TUSC3: variants seen among roughly 807,000 people sequenced by gnomAD.
The protein encoded by TUSC3 is tumor suppressor candidate 3, also known as dolichyl-diphosphooligosaccharide--protein glycosyltransferase subunit TUSC3.
Under a neutral mutation model 44.8 loss-of-function variants are expected in TUSC3, and 45 were observed. That is an observed-to-expected ratio of 1.00 (90% CI 0.79 to 1.29). The LOEUF is 1.29. Among genes scored for constraint, TUSC3 ranks in the 50% most tolerant of loss-of-function variants. The pLI is 0.00. For missense variants in TUSC3, 519 were observed against 437.9 expected (o/e 1.19, Z -1.65); for synonymous variants, 212 against 152.9 (o/e 1.39, Z -2.85).
At chr8:15,750,612 A>G (rs1233472870) in intron 9 of TUSC3, among the ~76,000 whole-genome samples, 1 of 151,912 alleles carries the variant, frequency 6.6e-6, no homozygotes, top group Non-Finnish European at 1.5e-5. Flanking sequence ...TTTTTAACGG[A>G]GGCTGGACAT....
chr8:15,468,283 T>C (rs1287864376), intron 1 of TUSC3, among the ~76,000 whole-genome samples: 1 of 152,182 alleles, frequency 6.6e-6, no homozygotes, highest in African/African-American at 2.4e-5. Flanking sequence ...AAAATTGCGT[T>C]TTCTAAGAAA....
intron 7 of TUSC3, among the ~76,000 whole-genome samples, chr8:15,732,901 G>T (rs1016615585): frequency 6.6e-6 from 1 of 151,970 alleles, no homozygotes; most frequent in African/African-American, 2.4e-5. Context: ...GGATACATAC[G>T]TGAAATTGGG....
chr8:15,432,364 C>G (rs746928946), intron 1 of TUSC3, among the ~76,000 whole-genome samples: 9 of 152,124 alleles, frequency 5.9e-5, no homozygotes, highest in East Asian at 1.9e-4. Context: ...TTGCTACTTT[C>G]TTAAAATGTC....
chr8:15,678,765 T>G (rs1372577863), intron 6 of TUSC3, among the ~76,000 whole-genome samples: 1 of 152,160 alleles, frequency 6.6e-6, no homozygotes, highest in East Asian at 1.9e-4. Context: ...TTTTTCAGCT[T>G]TTGGCCTCCT....
chr8:15,648,725 CAAAAAAAAAAAAAAAAAA>C (rs58526383), intron 2 of TUSC3, among the ~76,000 whole-genome samples: 1 of 26,152 alleles, frequency 3.8e-5, no homozygotes, highest in African/African-American at 1.3e-4. Context: ...GACTCTGTGT[CAAAAAAAAAAAAAAAAAA>C]AAAAAAAAAA....
intron 1 of TUSC3, among the ~76,000 whole-genome samples, chr8:15,449,889 T>C (rs1800171143): frequency 6.6e-6 from 1 of 152,186 alleles, no homozygotes; most frequent in Non-Finnish European, 1.5e-5. Flanking sequence ...CATAAATATC[T>C]ACCATTGTGT....
At position 15,449,903 on chromosome 8, in the gene TUSC3, G is replaced by A. The variant is rs565422700; in HGVS notation, n.91+32598G>A. On this transcript the variant is annotated intron_variant and non_coding_transcript_variant, in intron 1 of 5. Coordinates refer to the TUSC3 transcript ENST00000503191. ...ACATAAATATCTACCATTGTGTTAC[G>A]ATTGCCTGTGGTATTCAGTGTAGTC... Among the ~76,000 whole-genome samples the A allele has an allele frequency of 1.3e-4, 19 of 151,758 alleles. No individual in the cohort carries two copies. The East Asian group carries it at 1.7e-3, about 14-fold the overall frequency.
chr8:15,743,531 A>G lies in TUSC3; in HGVS notation c.863-7A>G, dbSNP rs771086697. Reference sequence around the variant, plus strand: ...TATGTCTACGGCTTCCTTGACAACTACTGCAGATGCCGCTATCACCATGGG... The same window carrying G: ...TATGTCTACGGCTTCCTTGACAACTGCTGCAGATGCCGCTATCACCATGGG... On this transcript the variant is annotated splice_polypyrimidine_tract_variant and splice_region_variant and intron_variant, in intron 7 of 10. Transcript: ENST00000503731. 3 of 1,613,888 alleles carry G rather than the reference A, an allele frequency of 1.9e-6. No individual in the cohort carries two copies. Among genetic ancestry groups the G allele is most frequent in the Non-Finnish European group, 2.5e-6 (3 of 1,179,756 alleles).
chr8:15,824,568 T>A, the TUSC3 span, among the ~76,000 whole-genome samples: 2 of 124,788 alleles, frequency 1.6e-5, no homozygotes, highest in African/African-American at 3.2e-5. Context: ...TGAGAACACA[T>A]GGACACAGGA....
chr8:15,581,594 G>T (rs1445870191), intron 1 of TUSC3, among the ~76,000 whole-genome samples: 4 of 149,416 alleles, frequency 2.7e-5, no homozygotes, highest in African/African-American at 1.0e-4. Context: ...GTGTCAGTGT[G>T]CCCCTGCTGC....
intron 1 of TUSC3, among the ~76,000 whole-genome samples, chr8:15,427,968 T>A (rs1210678299): frequency 3.9e-5 from 4 of 102,666 alleles, no homozygotes; most frequent in East Asian, 2.0e-4. Context: ...TTTTTTTAAA[T>A]TTTTTTTTTA....
rs746891857 is a variant in TUSC3 at position 15,540,549 on chromosome 8, G to T, written c.119G>T (p.Gly40Val). ...CTGCTGCTCTGCATCCAGCTCGGGG[G>T]AGGACAGAAGAAAAAGGAGGTAGAA... is the stretch of plus-strand genomic sequence containing the variant. ...LLLLLCIQLGGGQKKKENLLA... is the reference protein window; with the variant it reads ...LLLLLCIQLGVGQKKKENLLA... Residue 40 changes from glycine (G) to valine (V), a missense_variant, in exon 1 of 11, where the codon GGA becomes GTA. Gly to Val is a moderately radical substitution (Grantham distance 109). Coordinates refer to ENST00000503731, the MANE Select transcript of TUSC3 (RefSeq NM_006765.4). The T allele has an allele frequency of 4.4e-6, 7 of 1,595,664 alleles. No individual in the cohort carries two copies. Among genetic ancestry groups the T allele is most frequent in the Non-Finnish European group, 6.0e-6 (7 of 1,171,748 alleles).
intron 1 of TUSC3, among the ~76,000 whole-genome samples, chr8:15,427,270 AG>A (rs1235263411): frequency 2.7e-5 from 4 of 148,410 alleles, no homozygotes; most frequent in Non-Finnish European, 3.0e-5. Flanking sequence ...ATCCTGTTAC[AG>A]GAGGTAGCTG....
At chr8:15,804,844 T>C in the TUSC3 span, among the ~76,000 whole-genome samples, 2 of 152,206 alleles carry the variant, frequency 1.3e-5, no homozygotes, top group Admixed American at 1.3e-4. Context: ...TGAACTAGTT[T>C]TTTTTCTTCT....
At chr8:15,848,581 T>C in the TUSC3 span, among the ~76,000 whole-genome samples, 1 of 121,806 alleles carries the variant, frequency 8.2e-6, no homozygotes, top group Non-Finnish European at 2.1e-5. Flanking sequence ...AACCCACTTC[T>C]ACATGGTGAA....
At chr8:15,631,439 CTTTTT>C (rs1284687696) in intron 2 of TUSC3, among the ~76,000 whole-genome samples, 3 of 152,016 alleles carry the variant, frequency 2.0e-5, no homozygotes, top group African/African-American at 7.2e-5. Context: ...GTCTCTTCAT[CTTTTT>C]AATTTCAAGC....
At chr8:15,845,468 G>A in the TUSC3 span, among the ~76,000 whole-genome samples, 15,304 of 152,104 alleles carry the variant, frequency 0.1, 2,387 homozygotes, top group African/African-American at 0.33. Context: ...GATTATTTCC[G>A]TTCCCCAAAA....
At chr8:15,542,394 A>G (rs1801722229) in intron 1 of TUSC3, among the ~76,000 whole-genome samples, 1 of 151,998 alleles carries the variant, frequency 6.6e-6, no homozygotes, top group Admixed American at 6.6e-5. Context: ...GCTTTTCCAG[A>G]ATTCCAAGAA....
At chr8:15,511,764 G>A (rs1801137951) in intron 2 of TUSC3, among the ~76,000 whole-genome samples, 1 of 152,020 alleles carries the variant, frequency 6.6e-6, no homozygotes, top group Non-Finnish European at 1.5e-5. Flanking sequence ...CAGATACTTG[G>A]GAGGCTGAGG....
Sources: allele counts gnomAD v4.1 joint callset (sites outside exome capture counted in the v4.1 genomes callset), GRCh38; gene constraint gnomAD v4.1.1; transcripts MANE v1.5; gene names NCBI Gene and HGNC (gene_info 2026-07-23, HGNC 2026-07-21).